Variants in HYCC2 observed in about 807,000 individuals in gnomAD.
The protein encoded by HYCC2 is hyccin PI4KA lipid kinase complex subunit 2.
chr2:200,981,418 T>C, the HYCC2 span: 1 of 1,614,158 alleles, frequency 6.2e-7, no homozygotes, highest in South Asian at 1.1e-5. The surrounding 1 kb of genome is among the most constrained non-coding windows in gnomAD (Gnocchi z 4.5). Context: ...ATTAGCATTG[T>C]TGGCTGCTAA....
the HYCC2 span, among the ~76,000 whole-genome samples, chr2:201,029,965 T>A: frequency 1.3e-5 from 2 of 152,140 alleles, no homozygotes; most frequent in African/African-American, 4.8e-5. Context: ...TGCACACCGG[T>A]AGTCCCAGTT....
the HYCC2 span, chr2:201,066,576 C>T: frequency 2.6e-5 from 4 of 152,158 alleles, no homozygotes; most frequent in African/African-American, 4.8e-5. Flanking sequence ...ATCTAACTTG[C>T]CTCTCTCATC....
At chr2:200,981,846 C>T in the HYCC2 span, 1 of 1,611,652 alleles carries the variant, frequency 6.2e-7, no homozygotes, top group Non-Finnish European at 8.5e-7. The surrounding 1 kb of genome is among the most constrained non-coding windows in gnomAD (Gnocchi z 4.5). Flanking sequence ...TTACAGACTC[C>T]TCTCCTCCAT....
At chr2:200,999,454 C>T in the HYCC2 span, among the ~76,000 whole-genome samples, 4 of 151,412 alleles carry the variant, frequency 2.6e-5, no homozygotes, top group South Asian at 2.1e-4. Context: ...GGCATGATCT[C>T]GGCTCACTGC....
the HYCC2 span, among the ~76,000 whole-genome samples, chr2:201,031,540 A>G: frequency 6.6e-6 from 1 of 152,094 alleles, no homozygotes; most frequent in African/African-American, 2.4e-5. Flanking sequence ...AATCCCAGCT[A>G]CTCAGGATGC....
chr2:201,051,216 T>C, the HYCC2 span, among the ~76,000 whole-genome samples: 1 of 152,194 alleles, frequency 6.6e-6, no homozygotes, highest in Non-Finnish European at 1.5e-5. Context: ...ATATAACCTA[T>C]TGAAAAATTC....
chr2:201,010,432 G>GC, the HYCC2 span, among the ~76,000 whole-genome samples: 1 of 152,164 alleles, frequency 6.6e-6, no homozygotes, highest in Non-Finnish European at 1.5e-5. Flanking sequence ...GGCAACAAAG[G>GC]CCACTGCAGA....
the HYCC2 span, among the ~76,000 whole-genome samples, chr2:201,068,382 C>T: frequency 1.3e-5 from 2 of 152,236 alleles, no homozygotes; most frequent in South Asian, 4.1e-4. Flanking sequence ...GATTTGGCAG[C>T]CCTTTCTCTA....
At chr2:201,069,749 A>C in the HYCC2 span, among the ~76,000 whole-genome samples, 1 of 152,164 alleles carries the variant, frequency 6.6e-6, no homozygotes, top group Non-Finnish European at 1.5e-5. Flanking sequence ...AAAACACCAA[A>C]CATCAATAAA....
At chr2:201,069,903 C>G in the HYCC2 span, among the ~76,000 whole-genome samples, 2 of 151,970 alleles carry the variant, frequency 1.3e-5, no homozygotes, top group Non-Finnish European at 2.9e-5. Context: ...ATATAAATTA[C>G]CATTAATAGA....
the HYCC2 span, chr2:201,022,204 T>C: frequency 3.2e-6 from 2 of 617,586 alleles, no homozygotes; most frequent in Non-Finnish European, 2.6e-6. Context: ...CTGTATGTCA[T>C]ACTACTGTGT....
the HYCC2 span, among the ~76,000 whole-genome samples, chr2:200,987,198 G>A: frequency 6.6e-6 from 1 of 152,150 alleles, no homozygotes; most frequent in African/African-American, 2.4e-5. Context: ...ACCTGACCTG[G>A]TGCTATGTAT....
chr2:201,065,765 G>C, the HYCC2 span, among the ~76,000 whole-genome samples: 1 of 152,198 alleles, frequency 6.6e-6, no homozygotes, highest in Non-Finnish European at 1.5e-5. Context: ...ACATATTATA[G>C]TTGAAGGACC....
chr2:201,047,268 G>T, the HYCC2 span, among the ~76,000 whole-genome samples: 221 of 151,900 alleles, frequency 1.5e-3, 2 homozygotes, highest in African/African-American at 5.2e-3. Flanking sequence ...CAGAATACAG[G>T]ATGAGTAAAC....
At chr2:201,026,855 G>T in the HYCC2 span, among the ~76,000 whole-genome samples, 2 of 152,204 alleles carry the variant, frequency 1.3e-5, no homozygotes. Flanking sequence ...GCCCACAAGA[G>T]AAAGTAGGAA....
the HYCC2 span, among the ~76,000 whole-genome samples, chr2:201,003,453 G>A: frequency 1.3e-5 from 2 of 152,080 alleles, no homozygotes; most frequent in Non-Finnish European, 2.9e-5. Flanking sequence ...CACTGCACTT[G>A]TAATCCCAGC....
the HYCC2 span, among the ~76,000 whole-genome samples, chr2:201,042,675 CG>C: frequency 1.3e-5 from 2 of 151,564 alleles, no homozygotes; most frequent in African/African-American, 4.8e-5. Flanking sequence ...CGTCTCCGCC[CG>C]GCAGCCGCCC....
chr2:201,044,871 G>T, the HYCC2 span, among the ~76,000 whole-genome samples: 1 of 152,138 alleles, frequency 6.6e-6, no homozygotes, highest in African/African-American at 2.4e-5. Context: ...AAATGTTAAA[G>T]ATACAACAGT....
chr2:201,051,051 C>A, the HYCC2 span, among the ~76,000 whole-genome samples: 22 of 152,034 alleles, frequency 1.4e-4, 1 homozygote, highest in Admixed American at 1.4e-3. Flanking sequence ...GCAAAAATAT[C>A]AATGAATTAG....
Sources: gnomAD v4.1 joint callset for allele counts (sites outside exome capture counted in the v4.1 genomes callset) on GRCh38, gnomAD v4.1.1 for gene constraint, Gnocchi (gnomAD v3.1) non-coding constraint, MANE v1.5 for transcripts, NCBI Gene and HGNC (gene_info 2026-07-23, HGNC 2026-07-21) for gene names.